MYLIP: variants seen among roughly 807,000 people sequenced by gnomAD.
MYLIP encodes the protein E3 ubiquitin-protein ligase MYLIP.
In MYLIP, 26 loss-of-function variants were observed where a neutral mutation model predicts 45.8. That is an observed-to-expected ratio of 0.57 (90% CI 0.42 to 0.79). MYLIP has a LOEUF of 0.79. Ranked by LOEUF, MYLIP falls within the 30% of genes least tolerant of loss-of-function variation. MYLIP has a pLI of 0.00. For missense variants in MYLIP, 494 were observed against 555.6 expected (o/e 0.89, Z 1.11); for synonymous variants, 213 against 218.1 (o/e 0.98, Z 0.21).
chr6:16,158,308 C>CA, the MYLIP span, among the ~76,000 whole-genome samples: 1 of 152,230 alleles, frequency 6.6e-6, no homozygotes, highest in Admixed American at 6.5e-5. Context: ...TCCGAAAAGA[C>CA]AGATATTTTT....
Position 16,143,861 on chromosome 6 carries a change from C to T in MYLIP, c.825C>T (p.Tyr275=), listed in dbSNP as rs772380564. 2.2e-5 allele frequency: 36 copies of T among 1,612,650 alleles called. No homozygotes were observed. The African/African-American group carries it at 3.3e-4, about 15-fold the overall frequency. ...CGATAACAGAGACGCACGCATTCTACAGGCACGTATCTCGTGTGCTTGGTC... is the reference window on the plus strand; with the variant it reads ...CGATAACAGAGACGCACGCATTCTATAGGCACGTATCTCGTGTGCTTGGTC... ...YRAITETHAF[Y]RCDTVTSAVM... is the part of the protein sequence containing the mutation. Residue 275 remains tyrosine (Y), a splice_region_variant and synonymous_variant, in exon 5 of 7, where the codon TAC becomes TAT. Coordinates refer to ENST00000356840, the MANE Select transcript of MYLIP (RefSeq NM_013262.4).
intron 2 of MYLIP, among the ~76,000 whole-genome samples, chr6:16,136,937 C>G (rs1759569399): frequency 6.6e-6 from 1 of 152,142 alleles, no homozygotes; most frequent in Non-Finnish European, 1.5e-5. Flanking sequence ...GATACCAGTC[C>G]TTTGTCAGAT....
intron 2 of MYLIP, among the ~76,000 whole-genome samples, chr6:16,135,748 C>CATATATATATATATAT (rs765116596): frequency 0.014 from 1,596 of 112,528 alleles, 47 homozygotes; most frequent in Admixed American, 0.031. Flanking sequence ...TGTGTGTATA[C>CATATATATATATATAT]ATATATCTAT....
the MYLIP span, among the ~76,000 whole-genome samples, chr6:16,162,881 C>G: frequency 6.7e-6 from 1 of 149,716 alleles, no homozygotes; most frequent in African/African-American, 2.5e-5. Flanking sequence ...TATGATTTTT[C>G]CCCAGTAACC....
rs1398619974 is a variant in MYLIP at position 16,143,359 on chromosome 6, T to A, written c.662+142T>A. On this transcript the variant is annotated intron_variant, in intron 4 of 6. Coordinates refer to ENST00000356840, the MANE Select transcript of MYLIP (RefSeq NM_013262.4). ...CATTTTGGTATGTACATTAATTTTATTCAGGCCTAAATAACCATTTTAAAT... is the reference window on the plus strand; with the variant it reads ...CATTTTGGTATGTACATTAATTTTAATCAGGCCTAAATAACCATTTTAAAT... The A allele has an allele frequency of 3.5e-6, 3 of 852,956 alleles. No homozygotes were observed. The Admixed American group carries it at 7.7e-5, about 22-fold the overall frequency. 52.8% of individuals were successfully genotyped at this position (852,956 alleles called of 1,614,324 possible). A position where few individuals can be genotyped will look rare whatever the true frequency, so the allele number is the denominator to read the frequency against.
the MYLIP span, among the ~76,000 whole-genome samples, chr6:16,157,616 G>T: frequency 6.6e-6 from 1 of 152,240 alleles, no homozygotes; most frequent in African/African-American, 2.4e-5. Flanking sequence ...CAGAGTGGCT[G>T]GCAAAGTGCT....
the MYLIP span, among the ~76,000 whole-genome samples, chr6:16,163,026 G>C: frequency 6.6e-6 from 1 of 151,992 alleles, no homozygotes; most frequent in Admixed American, 6.6e-5. Context: ...AAGATGAGGG[G>C]TGCTAGCGCA....
At chr6:16,135,887 A>G (rs1759546997) in intron 2 of MYLIP, among the ~76,000 whole-genome samples, 1 of 149,556 alleles carries the variant, frequency 6.7e-6, no homozygotes, top group South Asian at 2.1e-4. Context: ...TATACTATAT[A>G]TACTAAATTC....
At chr6:16,161,070 G>C in the MYLIP span, 2 of 156,934 alleles carry the variant, frequency 1.3e-5, no homozygotes, top group South Asian at 1.8e-4. Context: ...GGGTCTCATG[G>C]GGGGAGACAT....
chr6:16,134,744 C>T (rs575166756), intron 2 of MYLIP, among the ~76,000 whole-genome samples: 1 of 152,234 alleles, frequency 6.6e-6, no homozygotes, highest in Admixed American at 6.5e-5. Flanking sequence ...TAAAAGCAGG[C>T]ATGTGGTTAT....
chr6:16,149,144 C>T (rs555508378), downstream of MYLIP, among the ~76,000 whole-genome samples: 7 of 152,188 alleles, frequency 4.6e-5, no homozygotes, highest in African/African-American at 7.2e-5. Flanking sequence ...TTTGTCTCTG[C>T]GCGGAAGTTA....
At chr6:16,135,743 G>GTATATATATATATATATATATATATA (rs1159042665) in intron 2 of MYLIP, among the ~76,000 whole-genome samples, 1 of 94,930 alleles carries the variant, frequency 1.1e-5, no homozygotes, top group Non-Finnish European at 2.1e-5. Flanking sequence ...ATATGTGTGT[G>GTATATATATATATATATATATATATA]TATACATATA....
rs76514709 is a variant in MYLIP at position 16,136,385 on chromosome 6, A to G, written c.279-5240A>G. 9.9e-4 allele frequency among the ~76,000 whole-genome samples: 151 copies of G among 152,202 alleles called. 1 individual carries two copies. Among genetic ancestry groups the G allele is most frequent in the Non-Finnish European group, 1.6e-3 (111 of 68,026 alleles). ...TTTTGTTCATCACAGATTTTTTGAG[A>G]TCCATCCATATTGTCCTATATATCA... On this transcript the variant is annotated intron_variant, in intron 2 of 6. Coordinates refer to ENST00000356840, the MANE Select transcript of MYLIP (RefSeq NM_013262.4).
Position 16,146,590 on chromosome 6 carries a change from G to A in MYLIP, c.1249-72G>A, listed in dbSNP as rs111886582. The A allele has an allele frequency of 3.6e-4, 408 of 1,143,788 alleles. 2 individuals are homozygous for A. The African/African-American group carries it at 5.1e-3, about 14-fold the overall frequency. The allele number at this position is 1,143,788 out of a possible 1,614,324, so 70.9% of individuals were successfully genotyped here. A position where few individuals can be genotyped will look rare whatever the true frequency, so the allele number is the denominator to read the frequency against. On this transcript the variant is annotated intron_variant, in intron 6 of 6. Coordinates refer to ENST00000356840, the MANE Select transcript of MYLIP (RefSeq NM_013262.4). The stretch of plus-strand genomic sequence containing the variant: ...AAAATTAAATGCACTAGAGACCAGG[G>A]GTGTGCACAGAGACACAGGCCCCCC...
In MYLIP at chr6:16,143,292, A is replaced by G. The variant is rs1022124112; in HGVS notation, c.662+75A>G. 20 of 1,438,482 alleles carry G rather than the reference A, an allele frequency of 1.4e-5. No individual in the cohort carries two copies. In the African/African-American group the frequency reaches 2.3e-4, roughly 16 times the overall value. The allele number at this position is 1,438,482 out of a possible 1,614,324, so 89.1% of individuals were successfully genotyped here. A position where few individuals can be genotyped will look rare whatever the true frequency, so the allele number is the denominator to read the frequency against. On this transcript the variant is annotated intron_variant, in intron 4 of 6. Coordinates refer to ENST00000356840, the MANE Select transcript of MYLIP (RefSeq NM_013262.4). ...AGCTGTCAATGTAATAGAAAATAGG[A>G]AGGGATTTACTCGACAGTCAGCTCT...
the MYLIP span, among the ~76,000 whole-genome samples, chr6:16,158,675 A>G: frequency 5.3e-5 from 8 of 152,250 alleles, no homozygotes; most frequent in Admixed American, 3.9e-4. Flanking sequence ...AATAGGAATA[A>G]AGATAATACA....
chr6:16,159,363 G>A, the MYLIP span, among the ~76,000 whole-genome samples: 1 of 152,138 alleles, frequency 6.6e-6, no homozygotes, highest in Non-Finnish European at 1.5e-5. Context: ...AAAGCAACTC[G>A]AGTTAGATGA....
At chr6:16,156,119 A>T in the MYLIP span, among the ~76,000 whole-genome samples, 13 of 152,250 alleles carry the variant, frequency 8.5e-5, no homozygotes, top group African/African-American at 3.1e-4. Context: ...CTTCTCTCCA[A>T]CATCCAGCTG....
rs144420622 is a variant in MYLIP, at chr6:16,143,480, C to T, written c.663-219C>T. On this transcript the variant is annotated intron_variant, in intron 4 of 6. Transcript: ENST00000356840. ...GTTTTCAGCTCTAGACATGCATGTG[C>T]GCACACCCAGCACTTGCTCCCATAC... Among the ~76,000 whole-genome samples, 11 of 152,284 alleles carry T rather than the reference C, an allele frequency of 7.2e-5. No individual in the cohort carries two copies. In the East Asian group the frequency reaches 1.4e-3, roughly 19 times the overall value.
Sources: gnomAD v4.1 joint callset for allele counts (sites outside exome capture counted in the v4.1 genomes callset) on GRCh38, gnomAD v4.1.1 for gene constraint, MANE v1.5 for transcripts, NCBI Gene and HGNC (gene_info 2026-07-23, HGNC 2026-07-21) for gene names.